The following ARSB variants were observed in gnomAD, a reference collection of about 807,000 sequenced individuals.
ARSB encodes the protein N-acetylgalactosamine-4-sulfatase.
In ARSB, 41 loss-of-function variants were observed where a neutral mutation model predicts 50.9. The ratio of observed to expected loss-of-function variants is 0.81; its 90% CI spans 0.63 to 1.04. ARSB has a LOEUF of 1.04. ARSB is among the 50% of genes least tolerant of loss of function. The pLI, the probability that ARSB is intolerant of heterozygous loss-of-function variation, is 0.00. For synonymous variants in ARSB, 269 were observed against 284.8 expected (o/e 0.94, Z 0.56); for missense variants, 672 against 693.3 (o/e 0.97, Z 0.35).
chr5:78,816,051 C>T, intron 6 of ARSB: 1 of 1,613,952 alleles, frequency 6.2e-7, no homozygotes. Flanking sequence ...TTCTTATGCC[C>T]TGGGTTATCA....
intron 6 of ARSB, 127 bp downstream of exon 6, chr5:78,839,229 C>T (rs563030268): frequency 1.1e-5 from 10 of 884,158 alleles, no homozygotes; most frequent in South Asian, 4.2e-5. Flanking sequence ...AGATATGTCC[C>T]GAAGAACTGT....
intron 2 of ARSB, among the ~76,000 whole-genome samples, chr5:78,968,041 T>C (rs371056399): frequency 1.3e-5 from 2 of 152,170 alleles, no homozygotes. Context: ...AGGTTTCACA[T>C]TTAGTTTCAT....
chr5:78,949,160 G>A (rs950690041), intron 4 of ARSB, among the ~76,000 whole-genome samples: 5 of 152,182 alleles, frequency 3.3e-5, no homozygotes, highest in Non-Finnish European at 5.9e-5. Flanking sequence ...GATGGGTAGA[G>A]GTGGCAAGGA....
At chr5:78,933,652 T>C (rs1750445549) in intron 4 of ARSB, among the ~76,000 whole-genome samples, 1 of 152,142 alleles carries the variant, frequency 6.6e-6, no homozygotes, top group Admixed American at 6.5e-5. Context: ...GGAAAAGAAC[T>C]AGTAGAGGAT....
intron 1 of ARSB, among the ~76,000 whole-genome samples, chr5:78,981,334 C>T (rs76685939): frequency 0.018 from 2,765 of 152,248 alleles, 82 homozygotes; most frequent in African/African-American, 0.061. Flanking sequence ...TGTACCCAGT[C>T]CCTACACATA....
chr5:78,832,183 A>G (rs1744723404), intron 6 of ARSB, among the ~76,000 whole-genome samples: 1 of 152,184 alleles, frequency 6.6e-6, no homozygotes, highest in Non-Finnish European at 1.5e-5. Context: ...AGAATCAGAG[A>G]GGGCTTCACG....
intron 4 of ARSB, among the ~76,000 whole-genome samples, chr5:78,912,583 C>T (rs541648141): frequency 6.0e-4 from 91 of 152,294 alleles, no homozygotes; most frequent in African/African-American, 2.1e-3. Flanking sequence ...ATATTTGCTG[C>T]GGTGGTTTCA....
chr5:78,953,623 C>T lies in ARSB; in HGVS notation c.898+1672G>A, dbSNP rs536548716. ...AAATGAATTCCTCAACATGTCACCT[C>T]ACCCCTACATGGTCATGTTACAGTA... On this transcript the variant is annotated intron_variant, in intron 4 of 7. Transcript: ENST00000264914. 2.0e-5 allele frequency among the ~76,000 whole-genome samples: 3 copies of T among 152,310 alleles called. No individual in the cohort carries two copies. The South Asian group carries it at 6.2e-4, about 32-fold the overall frequency.
intron 1 of ARSB, among the ~76,000 whole-genome samples, chr5:78,970,432 A>G (rs1752403304): frequency 6.6e-6 from 1 of 152,196 alleles, no homozygotes; most frequent in Non-Finnish European, 1.5e-5. Context: ...TTGAATAAAA[A>G]AATTTATAAT....
intron 5 of ARSB, among the ~76,000 whole-genome samples, chr5:78,839,859 C>G (rs190023800): frequency 4.4e-4 from 67 of 152,226 alleles, no homozygotes; most frequent in Non-Finnish European, 8.4e-4. Context: ...AAAGAGTAAC[C>G]TACATCAGAA....
At chr5:78,872,172 G>T (rs530171612) in intron 5 of ARSB, among the ~76,000 whole-genome samples, 45 of 149,534 alleles carry the variant, frequency 3.0e-4, no homozygotes, top group Non-Finnish European at 5.7e-4. Context: ...AACAACAGGT[G>T]CTGGAGAGGA....
intron 6 of ARSB, among the ~76,000 whole-genome samples, chr5:78,822,248 C>T (rs888849875): frequency 2.6e-5 from 4 of 152,180 alleles, no homozygotes; most frequent in Non-Finnish European, 5.9e-5. Context: ...ATAACATTGA[C>T]CTGGACCTTT....
At chr5:78,868,890 C>G (rs1359548693) in intron 5 of ARSB, among the ~76,000 whole-genome samples, 1 of 151,294 alleles carries the variant, frequency 6.6e-6, no homozygotes, top group Non-Finnish European at 1.5e-5. Context: ...GAGTCAAGAC[C>G]CATCAGTGTG....
intron 3 of ARSB, among the ~76,000 whole-genome samples, chr5:78,957,777 T>C (rs58872689): frequency 0.01 from 1,577 of 152,110 alleles, 22 homozygotes; most frequent in African/African-American, 0.031. Context: ...AGGTCTTGGC[T>C]GCGATGTCTG....
chr5:78,984,655 C>T (rs933326332), intron 1 of ARSB, among the ~76,000 whole-genome samples: 26 of 152,066 alleles, frequency 1.7e-4, no homozygotes, highest in African/African-American at 6.3e-4. Flanking sequence ...CCCATAAACC[C>T]CTTCGCCCGG....
At chr5:78,843,276 C>T (rs1329338880) in intron 5 of ARSB, among the ~76,000 whole-genome samples, 2 of 152,210 alleles carry the variant, frequency 1.3e-5, no homozygotes, top group African/African-American at 4.8e-5. Context: ...GACATTGATG[C>T]TGCTGGTCTC....
chr5:78,874,456 G>A (rs182559354), intron 5 of ARSB, among the ~76,000 whole-genome samples: 2 of 152,222 alleles, frequency 1.3e-5, no homozygotes, highest in East Asian at 1.9e-4. Flanking sequence ...AGCTGAAGAT[G>A]TCATTTAAAT....
chr5:78,920,031 G>A (rs964452323), intron 4 of ARSB, among the ~76,000 whole-genome samples: 4 of 143,848 alleles, frequency 2.8e-5, no homozygotes, highest in Non-Finnish European at 6.2e-5. Context: ...GAGCATGAAT[G>A]CATTTTCAGG....
intron 3 of ARSB, among the ~76,000 whole-genome samples, chr5:78,961,623 C>T (rs573829635): frequency 9.2e-5 from 14 of 152,188 alleles, no homozygotes; most frequent in Non-Finnish European, 2.1e-4. Context: ...GTTGCTTCCT[C>T]TTATCTGCTT....
Sources: allele counts gnomAD v4.1 joint callset (sites outside exome capture counted in the v4.1 genomes callset), GRCh38; gene constraint gnomAD v4.1.1; transcripts MANE v1.5; gene names NCBI Gene and HGNC (gene_info 2026-07-23, HGNC 2026-07-21).